The following ASIC2 variants were observed in gnomAD, a reference collection of about 807,000 sequenced individuals.
ASIC2 encodes acid sensing ion channel subunit 2, also known as acid-sensing ion channel 2.
ASIC2 carries 25 observed loss-of-function variants against 57.3 expected under a neutral mutation model. That is an observed-to-expected ratio of 0.44 (90% confidence interval 0.32 to 0.61). The LOEUF is 0.61. Ranked by LOEUF, ASIC2 falls within the 20% of genes least tolerant of loss-of-function variation. The pLI, the probability that ASIC2 is intolerant of heterozygous loss-of-function variation, is 0.06. For missense variants in ASIC2, 641 were observed against 738.1 expected, an observed-to-expected ratio of 0.87 and a Z score of 1.52; for synonymous variants, 319 against 307.5, an observed-to-expected ratio of 1.04 and a Z score of -0.39.
At position 33,292,327 on chromosome 17, in the gene ASIC2, G is replaced by T. The variant is rs7213721; in HGVS notation, c.-212C>A. 0.47 allele frequency: 464,867 copies of T among 985,914 alleles called. 110,205 individuals carry two copies. The highest frequency in any genetic ancestry group is 0.74 in the East Asian group (6,515 of 8,750). The allele number at this position is 985,914 out of a possible 1,614,324, so 61.1% of individuals were successfully genotyped here. On this transcript the variant is annotated 5_prime_UTR_variant, in exon 1 of 10. Coordinates refer to ENST00000225823, the MANE Select transcript of ASIC2 (RefSeq NM_183377.2). ...GGGCGCCCGCCCGGGGCTGAGCGCC[G>T]CCTCAGCCCGCAGCCCCTGGCAGTG...
At chr17:33,271,901 T>G (rs569192692) in intron 1 of ASIC2, among the ~76,000 whole-genome samples, 2 of 152,372 alleles carry the variant, frequency 1.3e-5, no homozygotes, top group East Asian at 3.9e-4. Context: ...CTACAAGCCT[T>G]GGCATTTGGC....
chr17:34,074,782 C>CTTTTTTTTTTTTTT (rs35010578), intron 1 of ASIC2, among the ~76,000 whole-genome samples: 6 of 113,936 alleles, frequency 5.3e-5, no homozygotes, highest in Non-Finnish European at 8.8e-5. Flanking sequence ...TTCTTTCTTT[C>CTTTTTTTTTTTTTT]TTTTTTTTTT....
chr17:33,755,924 C>G (rs79095582), intron 1 of ASIC2, among the ~76,000 whole-genome samples: 1 of 152,170 alleles, frequency 6.6e-6, no homozygotes, highest in Non-Finnish European at 1.5e-5. Context: ...GGGTGACCCC[C>G]TCAACATGGT....
Position 33,599,626 on chromosome 17 carries a change from G to A in ASIC2, c.556-487559C>T, listed in dbSNP as rs1051422884. 5.3e-5 allele frequency among the ~76,000 whole-genome samples: 8 copies of A among 152,200 alleles called. No homozygotes were observed. In the South Asian group the frequency reaches 1.2e-3, roughly 24 times the overall value. On this transcript the variant is annotated intron_variant, in intron 1 of 9. Transcript: ENST00000359872. ...TTTGGCTGAGGCTGCATAATAGGAT[G>A]TGTAAAGTGAGGGACTGAACACAGG...
chr17:33,897,795 T>C (rs1050827800), intron 1 of ASIC2, among the ~76,000 whole-genome samples: 2 of 152,236 alleles, frequency 1.3e-5, no homozygotes, highest in African/African-American at 4.8e-5. Context: ...CACCAGTGGC[T>C]GGAAACTCTG....
intron 1 of ASIC2, among the ~76,000 whole-genome samples, chr17:33,321,498 C>A (rs1906865584): frequency 6.6e-6 from 1 of 152,156 alleles, no homozygotes; most frequent in Non-Finnish European, 1.5e-5. Context: ...TTCTGTGCCA[C>A]AGTTTAAAAT....
chr17:33,782,611 C>A (rs551700704), intron 1 of ASIC2, among the ~76,000 whole-genome samples: 1 of 151,822 alleles, frequency 6.6e-6, no homozygotes, highest in South Asian at 2.1e-4. Flanking sequence ...TGCCTGTGGT[C>A]CCAGCTACTT....
chr17:33,579,670 C>G (rs1400233298), intron 1 of ASIC2, among the ~76,000 whole-genome samples: 1 of 152,082 alleles, frequency 6.6e-6, no homozygotes, highest in African/African-American at 2.4e-5. Context: ...CCTGGTCTGG[C>G]AGACTTCTAG....
At chr17:34,075,540 G>A (rs145701228) in intron 1 of ASIC2, among the ~76,000 whole-genome samples, 1 of 152,288 alleles carries the variant, frequency 6.6e-6, no homozygotes, top group African/African-American at 2.4e-5. Context: ...ATTGGAGGAA[G>A]GGAAGGGAGG....
chr17:33,162,270 A>T (rs1905184427), intron 1 of ASIC2, among the ~76,000 whole-genome samples: 1 of 152,144 alleles, frequency 6.6e-6, no homozygotes, highest in African/African-American at 2.4e-5. Flanking sequence ...CTGAGAAGCA[A>T]ATCCTGCGGC....
In ASIC2 at chr17:34,032,918, G is replaced by C. The variant is rs141282681; in HGVS notation, c.555+123060C>G. On this transcript the variant is annotated intron_variant, in intron 1 of 9. Transcript: ENST00000359872. ...AGACTCCCACACAATAATAATGGGA[G>C]ACTTTAACACCCCACTGTCAACATT... is the stretch of plus-strand genomic sequence containing the variant. 1.4e-3 allele frequency among the ~76,000 whole-genome samples: 218 copies of C among 152,272 alleles called. 2 individuals carry two copies. The highest frequency in any genetic ancestry group is 2.3e-3 in the Non-Finnish European group (159 of 68,030).
intron 1 of ASIC2, among the ~76,000 whole-genome samples, chr17:33,961,746 A>AGGG (rs869104099): frequency 4.5e-5 from 6 of 132,120 alleles, no homozygotes; most frequent in Non-Finnish European, 9.8e-5. Flanking sequence ...TGGGAGGGAA[A>AGGG]AAAAAGTCAA....
intron 1 of ASIC2, among the ~76,000 whole-genome samples, chr17:33,969,704 A>G (rs755238775): frequency 8.5e-5 from 13 of 152,098 alleles, no homozygotes; most frequent in African/African-American, 3.1e-4. Context: ...TCAATGACAG[A>G]GGGCCATTCC....
chr17:33,208,318 C>A (rs374521088), intron 1 of ASIC2, among the ~76,000 whole-genome samples: 1 of 152,056 alleles, frequency 6.6e-6, no homozygotes, highest in African/African-American at 2.4e-5. Flanking sequence ...ATGCTTAAAT[C>A]CCCTCCCCTG....
At chr17:33,674,084 G>A (rs922767828) in intron 1 of ASIC2, among the ~76,000 whole-genome samples, 6 of 152,016 alleles carry the variant, frequency 3.9e-5, no homozygotes, top group African/African-American at 9.7e-5. Flanking sequence ...TAGTAGAGAC[G>A]GGGTTTCACC....
chr17:33,774,155 C>A (rs1161372522), intron 1 of ASIC2, among the ~76,000 whole-genome samples: 1 of 152,174 alleles, frequency 6.6e-6, no homozygotes, highest in Non-Finnish European at 1.5e-5. Flanking sequence ...TCCCCTGCAT[C>A]AGGAGTTAGG....
intron 1 of ASIC2, among the ~76,000 whole-genome samples, chr17:34,116,582 T>G (rs1911429585): frequency 6.6e-6 from 1 of 152,190 alleles, no homozygotes; most frequent in Non-Finnish European, 1.5e-5. Context: ...GGTGGCATTT[T>G]CTTTCATTTC....
At chr17:33,926,718 C>A (rs998312262) in intron 1 of ASIC2, among the ~76,000 whole-genome samples, 1 of 152,182 alleles carries the variant, frequency 6.6e-6, no homozygotes, top group Admixed American at 6.5e-5. Context: ...TGGGAAAAAT[C>A]ATGTATTCGG....
At chr17:33,886,925 C>G (rs896806048) in intron 1 of ASIC2, among the ~76,000 whole-genome samples, 1 of 150,082 alleles carries the variant, frequency 6.7e-6, no homozygotes, top group African/African-American at 2.5e-5. Flanking sequence ...GAGGTAGATA[C>G]CAAAGGCAGA....
Sources: allele counts gnomAD v4.1 joint callset (sites outside exome capture counted in the v4.1 genomes callset), GRCh38; gene constraint gnomAD v4.1.1; transcripts MANE v1.5; gene names NCBI Gene and HGNC (gene_info 2026-07-23, HGNC 2026-07-21).